The following ANXA8 variants were observed in gnomAD, a reference collection of about 807,000 sequenced individuals.
The protein encoded by ANXA8 is VAC-beta.
ANXA8 carries 9 observed loss-of-function variants against 26.8 expected under a neutral mutation model. The ratio of observed to expected loss-of-function variants is 0.34; its 90% confidence interval spans 0.20 to 0.59. The LOEUF (loss-of-function observed/expected upper bound fraction) is 0.59. ANXA8 is among the 20% of genes least tolerant of loss of function. ANXA8 has a pLI of 0.84. For synonymous variants in ANXA8, 39 were observed against 94.8 expected, an observed-to-expected ratio of 0.41 and a Z score of 3.42; for missense variants, 83 against 238.5, an observed-to-expected ratio of 0.35 and a Z score of 4.29.
upstream of ANXA8, among the ~76,000 whole-genome samples, chr10:47,487,058 A>G (rs1234388221): frequency 2.0e-5 from 3 of 151,600 alleles, no homozygotes; most frequent in Non-Finnish European, 4.4e-5. Context: ...AATACCAAAT[A>G]TTCAAGGTGA....
chr10:47,487,645 C>A (rs1215414312), upstream of ANXA8, among the ~76,000 whole-genome samples: 1 of 143,114 alleles, frequency 7.0e-6, no homozygotes, highest in African/African-American at 2.6e-5. Context: ...GCCTGCTTAT[C>A]CTTTTTTCTG....
the ANXA8 span, among the ~76,000 whole-genome samples, chr10:47,552,938 G>C: frequency 6.6e-6 from 1 of 151,808 alleles, no homozygotes; most frequent in Admixed American, 6.6e-5. Context: ...GCTGCAGAGG[G>C]TGCTACTGGA....
At chr10:47,733,179 TTC>T in the ANXA8 span, among the ~76,000 whole-genome samples, 2 of 87,698 alleles carry the variant, frequency 2.3e-5, no homozygotes, top group African/African-American at 6.4e-5. Context: ...CTTTCTTTCT[TTC>T]TTTCTTTCTT....
At chr10:47,753,105 T>A in the ANXA8 span, 1 of 976,404 alleles carries the variant, frequency 1.0e-6, no homozygotes, top group Non-Finnish European at 1.2e-6. Flanking sequence ...GGAAACTCTG[T>A]CTCAAAAAAT....
At chr10:47,891,590 AT>A in the ANXA8 span, among the ~76,000 whole-genome samples, 4 of 8,366 alleles carry the variant, frequency 4.8e-4, no homozygotes, top group African/African-American at 2.0e-3. Context: ...CTACAAATAA[AT>A]AGAAAAAAAA....
the ANXA8 span, among the ~76,000 whole-genome samples, chr10:47,639,552 G>C: frequency 2.0e-5 from 3 of 151,576 alleles, no homozygotes; most frequent in Non-Finnish European, 4.4e-5. Context: ...TCCTGACCTC[G>C]TGATCCGCCC....
upstream of ANXA8, among the ~76,000 whole-genome samples, chr10:47,486,108 TA>T (rs1373322520): frequency 7.9e-4 from 114 of 144,170 alleles, no homozygotes; most frequent in Middle Eastern, 3.5e-3. Flanking sequence ...ACTCCGTCTT[TA>T]AAAAAAAAAA....
At chr10:47,768,824 G>A in the ANXA8 span, among the ~76,000 whole-genome samples, 1 of 151,696 alleles carries the variant, frequency 6.6e-6, no homozygotes, top group African/African-American at 2.4e-5. Flanking sequence ...GGCAGCTGCT[G>A]TGTTGGGAAG....
chr10:47,713,021 T>TG, the ANXA8 span, among the ~76,000 whole-genome samples: 3 of 152,294 alleles, frequency 2.0e-5, no homozygotes, highest in Non-Finnish European at 2.9e-5. Flanking sequence ...CTCGAACTCC[T>TG]GATCTCAGGT....
chr10:47,733,222 T>TTTCC, the ANXA8 span, among the ~76,000 whole-genome samples: 1 of 71,006 alleles, frequency 1.4e-5, no homozygotes, highest in South Asian at 5.5e-4. Context: ...TCTTTCTTTC[T>TTTCC]CTTTCTTTCT....
chr10:47,561,476 CCTGT>C, the ANXA8 span, among the ~76,000 whole-genome samples: 8 of 151,850 alleles, frequency 5.3e-5, no homozygotes, highest in Admixed American at 3.3e-4. Context: ...ACTTATTCCT[CCTGT>C]CTAATTGAGG....
chr10:47,527,549 C>G, the ANXA8 span, among the ~76,000 whole-genome samples: 2 of 148,524 alleles, frequency 1.3e-5, no homozygotes, highest in African/African-American at 5.1e-5. Context: ...TAGCACAGTG[C>G]CTGTTCAATA....
the ANXA8 span, among the ~76,000 whole-genome samples, chr10:47,971,023 A>G: frequency 1.3e-5 from 2 of 151,394 alleles, no homozygotes; most frequent in African/African-American, 2.4e-5. Context: ...TGGCTCTGCC[A>G]CCTTCGTGCT....
At chr10:47,768,635 G>A in the ANXA8 span, among the ~76,000 whole-genome samples, 2 of 151,386 alleles carry the variant, frequency 1.3e-5, no homozygotes, top group African/African-American at 2.4e-5. Context: ...GGAGGGGGCT[G>A]TGCTGAGGTA....
the ANXA8 span, among the ~76,000 whole-genome samples, chr10:47,554,619 T>A: frequency 6.6e-5 from 10 of 151,048 alleles, no homozygotes; most frequent in Non-Finnish European, 1.2e-4. Flanking sequence ...CTTGGAGGGT[T>A]TCTTTTCAAT....
chr10:47,505,515 C>A, the ANXA8 span, among the ~76,000 whole-genome samples: 1 of 138,066 alleles, frequency 7.2e-6, no homozygotes, highest in South Asian at 2.4e-4. Context: ...TTAAAGAATC[C>A]GTGATTTAAC....
chr10:47,613,775 C>G, the ANXA8 span, among the ~76,000 whole-genome samples: 1 of 80,700 alleles, frequency 1.2e-5, no homozygotes, highest in Non-Finnish European at 3.1e-5. Flanking sequence ...GCACTAGATT[C>G]TCATAAGGAT....
the ANXA8 span, chr10:47,761,592 A>ACAG: frequency 1.5e-5 from 20 of 1,330,588 alleles, no homozygotes; most frequent in African/African-American, 4.4e-5. Flanking sequence ...GCCCCGATCA[A>ACAG]CAGCAGCAGC....
chr10:47,733,167 T>TTCTTTCTTTCTTTCTCTCTCTCTCTCTC, the ANXA8 span, among the ~76,000 whole-genome samples: 3 of 99,650 alleles, frequency 3.0e-5, no homozygotes, highest in African/African-American at 9.9e-5. Flanking sequence ...CTTTCTTTCT[T>TTCTTTCTTTCTTTCTCTCTCTCTCTCTC]TCTTTCTTTC....
Sources: allele counts gnomAD v4.1 joint callset (sites outside exome capture counted in the v4.1 genomes callset), GRCh38; gene constraint gnomAD v4.1.1; transcripts MANE v1.5; gene names NCBI Gene and HGNC (gene_info 2026-07-23, HGNC 2026-07-21).